ACCSL: variants seen among roughly 807,000 people sequenced by gnomAD.
ACCSL encodes the protein 1-aminocyclopropane-1-carboxylate synthase homolog (inactive) like.
In ACCSL, 55 loss-of-function variants were observed where a neutral mutation model predicts 61.7. The ratio of observed to expected loss-of-function variants is 0.89; its 90% CI spans 0.72 to 1.12. The LOEUF (loss-of-function observed/expected upper bound fraction) is 1.12, where lower values mean the gene tolerates loss of function less well. Among genes scored for constraint, ACCSL ranks in the 50% most tolerant of loss-of-function variants. ACCSL has a pLI of 0.00. For synonymous variants in ACCSL, 258 were observed against 264.3 expected, an observed-to-expected ratio of 0.98 and a Z score of 0.23; for missense variants, 632 against 698.0, an observed-to-expected ratio of 0.91 and a Z score of 1.07.
chr11:43,988,225 C>G, the ACCSL span, among the ~76,000 whole-genome samples: 1 of 152,150 alleles, frequency 6.6e-6, no homozygotes, highest in African/African-American at 2.4e-5. Context: ...TCTGTTCCCC[C>G]GCTAGGGGGA....
At chr11:43,959,335 G>A in the ACCSL span, among the ~76,000 whole-genome samples, 1 of 152,196 alleles carries the variant, frequency 6.6e-6, no homozygotes, top group Non-Finnish European at 1.5e-5. Context: ...GAAATGCCTA[G>A]AGATCCTCAT....
the ACCSL span, chr11:43,943,945 G>GGGGGAGGAGGTGGCA: frequency 9.8e-7 from 1 of 1,016,592 alleles, no homozygotes; most frequent in Non-Finnish European, 1.3e-6. This position sits in a 1 kb window ranked among gnomAD's most constrained non-coding sequence, Gnocchi z 4.8. Context: ...TCGGGGAGGT[G>GGGGGAGGAGGTGGCA]GGGGAGGAGG....
upstream of ACCSL, among the ~76,000 whole-genome samples, chr11:44,045,098 T>C (rs1165302477): frequency 6.6e-6 from 1 of 152,164 alleles, no homozygotes; most frequent in African/African-American, 2.4e-5. Flanking sequence ...GTCCAGCTTC[T>C]AGGTTTACTC....
At chr11:44,055,988 T>C (rs1952668712) in intron 9 of ACCSL, 52 bp from the exon 10 acceptor site, 20 of 1,607,950 alleles carry the variant, frequency 1.2e-5, no homozygotes, top group Non-Finnish European at 1.6e-5. Context: ...ACCCCAAATC[T>C]TCATCAACTA....
chr11:44,014,334 C>T, the ACCSL span, among the ~76,000 whole-genome samples: 1 of 152,142 alleles, frequency 6.6e-6, no homozygotes. Flanking sequence ...CTTCCAGGCT[C>T]ACTCTGTGGC....
chr11:44,004,023 T>A, the ACCSL span, among the ~76,000 whole-genome samples: 1 of 152,112 alleles, frequency 6.6e-6, no homozygotes, highest in Non-Finnish European at 1.5e-5. Context: ...CAGACCCCTA[T>A]CCTGGGGTAA....
chr11:43,991,190 A>G, the ACCSL span, among the ~76,000 whole-genome samples: 12 of 152,220 alleles, frequency 7.9e-5, no homozygotes, highest in Admixed American at 5.9e-4. Context: ...TGTTCTGAGC[A>G]CTGGGATATG....
At chr11:43,921,861 G>T in the ACCSL span, among the ~76,000 whole-genome samples, 1 of 152,150 alleles carries the variant, frequency 6.6e-6, no homozygotes, top group Non-Finnish European at 1.5e-5. Flanking sequence ...TGCCAGAACT[G>T]CCCTTTTCTT....
the ACCSL span, among the ~76,000 whole-genome samples, chr11:43,923,204 C>T: frequency 6.6e-6 from 1 of 152,280 alleles, no homozygotes; most frequent in South Asian, 2.1e-4. Flanking sequence ...CTGAATGCTC[C>T]AGTTGGAGGG....
chr11:44,053,789 G>A (rs1396800760), intron 8 of ACCSL, among the ~76,000 whole-genome samples: 1 of 152,140 alleles, frequency 6.6e-6, no homozygotes, highest in Non-Finnish European at 1.5e-5. Flanking sequence ...TTGAGCCCGG[G>A]AGGAGGAGGT....
At chr11:44,039,363 T>C in the ACCSL span, among the ~76,000 whole-genome samples, 1 of 152,166 alleles carries the variant, frequency 6.6e-6, no homozygotes, top group Non-Finnish European at 1.5e-5. Context: ...GCAACCTGAA[T>C]GGGATTGGAG....
chr11:44,048,577 CG>C (rs1565157859), intron 1 of ACCSL, 37 bp downstream of exon 1: 3 of 1,446,254 alleles, frequency 2.1e-6, no homozygotes, highest in Non-Finnish European at 2.8e-6. Flanking sequence ...AGCATCCTCA[CG>C]GGCTCCAGTC....
chr11:44,055,312 G>T, intron 9 of ACCSL, 21 bp downstream of exon 9: 1 of 1,597,658 alleles, frequency 6.3e-7, no homozygotes, highest in Non-Finnish European at 8.6e-7. Context: ...CTCAGCTGGA[G>T]TTGGGAACGA....
chr11:43,981,554 A>G, the ACCSL span, among the ~76,000 whole-genome samples: 2 of 152,226 alleles, frequency 1.3e-5, no homozygotes, highest in Admixed American at 6.5e-5. Flanking sequence ...CTAATGCAAC[A>G]CTACATATGT....
chr11:43,960,217 TATCAA>T, the ACCSL span, among the ~76,000 whole-genome samples: 1 of 152,206 alleles, frequency 6.6e-6, no homozygotes, highest in Admixed American at 6.5e-5. Context: ...TTCTGAGGTT[TATCAA>T]TTAGCTGTCT....
intron 9 of ACCSL, 134 bp from the exon 10 acceptor site, chr11:44,055,906 C>T (rs1952668009): frequency 2.0e-6 from 2 of 1,006,210 alleles, no homozygotes; most frequent in Non-Finnish European, 2.9e-6. Context: ...ACTGGGACAA[C>T]TGTTTCTTGA....
intron 3 of ACCSL, among the ~76,000 whole-genome samples, chr11:44,051,048 T>A (rs533009236): frequency 7.2e-5 from 11 of 152,068 alleles, no homozygotes; most frequent in South Asian, 6.2e-4. Context: ...TCACCATGTT[T>A]GCCAGCTTGG....
the ACCSL span, among the ~76,000 whole-genome samples, chr11:43,941,017 C>G: frequency 6.6e-6 from 1 of 152,036 alleles, no homozygotes; most frequent in Non-Finnish European, 1.5e-5. Flanking sequence ...CTGTAAATGG[C>G]GATAAGAAAT....
chr11:43,934,060 C>T, the ACCSL span, among the ~76,000 whole-genome samples: 1 of 151,952 alleles, frequency 6.6e-6, no homozygotes, highest in Non-Finnish European at 1.5e-5. Flanking sequence ...TCCCTGGACC[C>T]TCTCCCTCCC....
Sources: gnomAD v4.1 joint callset for allele counts (sites outside exome capture counted in the v4.1 genomes callset) on GRCh38, gnomAD v4.1.1 for gene constraint, Gnocchi (gnomAD v3.1) non-coding constraint, MANE v1.5 for transcripts, NCBI Gene and HGNC (gene_info 2026-07-23, HGNC 2026-07-21) for gene names.